The following RTN3 variants were observed in gnomAD, a reference collection of about 807,000 sequenced individuals.
RTN3 encodes reticulon-3.
Under a neutral mutation model 77.8 loss-of-function variants are expected in RTN3, and 49 were observed. That is an observed-to-expected ratio of 0.63 (90% CI 0.50 to 0.80). The LOEUF is 0.80. Among genes scored for constraint, RTN3 ranks in the 30% least tolerant of loss-of-function variants. The pLI, the probability that RTN3 is intolerant of heterozygous loss-of-function variation, is 0.00. For synonymous variants in RTN3, 464 were observed against 446.9 expected, an observed-to-expected ratio of 1.04 and a Z score of -0.48; for missense variants, 1,236 against 1,211.9, an observed-to-expected ratio of 1.02 and a Z score of -0.29.
chr11:63,752,772 A>AT, intron 5 of RTN3, 127 bp downstream of exon 5: 1 of 986,184 alleles, frequency 1.0e-6, no homozygotes, highest in Non-Finnish European at 1.5e-6. Flanking sequence ...CAGTCATTCT[A>AT]TAATGGGATA....
At chr11:63,689,208 G>A (rs1416718023) in intron 1 of RTN3, among the ~76,000 whole-genome samples, 1 of 152,134 alleles carries the variant, frequency 6.6e-6, no homozygotes, top group Non-Finnish European at 1.5e-5. Flanking sequence ...TATATGTGCT[G>A]CTGAAGTAAG....
intron 1 of RTN3, among the ~76,000 whole-genome samples, chr11:63,697,575 AAGC>A (rs904254261): frequency 1.3e-5 from 2 of 152,020 alleles, no homozygotes; most frequent in Admixed American, 1.3e-4. Flanking sequence ...TCCTGGGTTC[AAGC>A]AGTTCTCCTA....
In RTN3 at chr11:63,750,065, T is replaced by C. The variant is rs139166869; in HGVS notation, c.2605T>C (p.Ser869Pro). Residue 869 changes from serine (S) to proline (P), a missense_variant, in exon 4 of 9, where the codon TCC (serine) becomes CCC (proline). By Grantham distance (74) the Ser-to-Pro change is moderately conservative (BLOSUM62 -1). Transcript: ENST00000377819. ...VFGTTLIMLL[S>P]LAAFSVISVV... ...TGGCACCACGCTGATCATGCTGCTT[T>C]CCCTGGCAGCTTTCAGTGTCATCAG... 1.9e-6 allele frequency: 3 copies of C among 1,613,638 alleles called. No individual in the cohort carries two copies. The highest frequency in any genetic ancestry group is 1.7e-5 in the Admixed American group (1 of 59,970).
intron 3 of RTN3, among the ~76,000 whole-genome samples, chr11:63,747,574 C>T (rs571926348): frequency 3.9e-5 from 6 of 152,144 alleles, no homozygotes; most frequent in Non-Finnish European, 7.3e-5. Flanking sequence ...ATACAATCAG[C>T]ATATTTTTAG....
intron 2 of RTN3, chr11:63,714,622 C>T (rs1162829508): frequency 1.3e-5 from 2 of 151,964 alleles, no homozygotes; most frequent in Non-Finnish European, 2.9e-5. Context: ...AAGCAATCCT[C>T]CCACTCCAGC....
chr11:63,749,981 CT>C lies in RTN3; in HGVS notation c.2531-6del, dbSNP rs764108576. ...TTTCTTATAACTTATATTCCCTTTT[CT>C]TTTGTCAGTGCACGATCTGATTTTC... On this transcript the variant is annotated splice_polypyrimidine_tract_variant and intron_variant, in intron 3 of 8. Coordinates refer to ENST00000377819, the MANE Select transcript of RTN3 (RefSeq NM_001265589.2). 40 of 1,606,892 alleles carry C rather than the reference CT, an allele frequency of 2.5e-5. No homozygotes were observed. The highest frequency in any genetic ancestry group is 3.3e-5 in the Non-Finnish European group (39 of 1,173,908).
At chr11:63,714,447 AATAT>A (rs904673889) in intron 2 of RTN3, 7 of 151,352 alleles carry the variant, frequency 4.6e-5, no homozygotes, top group Non-Finnish European at 1.0e-4. Context: ...GTTTTTTTTT[AATAT>A]ATCTCGTAGC....
At chr11:63,741,721 G>A (rs2013492895) in intron 3 of RTN3, among the ~76,000 whole-genome samples, 1 of 150,566 alleles carries the variant, frequency 6.6e-6, no homozygotes, top group African/African-American at 2.4e-5. Flanking sequence ...GGCTGGTCTC[G>A]AATTTGTGAC....
intron 2 of RTN3, among the ~76,000 whole-genome samples, chr11:63,715,827 C>T (rs747279232): frequency 2.6e-5 from 4 of 152,124 alleles, no homozygotes; most frequent in Non-Finnish European, 5.9e-5. Context: ...CTAGTAAGTT[C>T]AGTAACAATG....
chr11:63,697,130 C>T (rs1332067862), intron 1 of RTN3, among the ~76,000 whole-genome samples: 11 of 151,682 alleles, frequency 7.3e-5, no homozygotes, highest in Non-Finnish European at 1.3e-4. Flanking sequence ...GTGATCTGTC[C>T]GCCTCGGCCT....
At chr11:63,691,036 C>T (rs185171294) in intron 1 of RTN3, among the ~76,000 whole-genome samples, 1 of 152,156 alleles carries the variant, frequency 6.6e-6, no homozygotes, top group Admixed American at 6.5e-5. Flanking sequence ...TCTTCCCTCC[C>T]CTCAATTCTC....
chr11:63,710,582 C>G (rs1387063302), intron 2 of RTN3, among the ~76,000 whole-genome samples: 3 of 152,136 alleles, frequency 2.0e-5, no homozygotes, highest in Admixed American at 6.6e-5. Context: ...CCTTGGTACT[C>G]TTAAGTTGTG....
At chr11:63,748,452 A>T (rs920622065) in intron 3 of RTN3, among the ~76,000 whole-genome samples, 8 of 149,596 alleles carry the variant, frequency 5.3e-5, no homozygotes, top group Non-Finnish European at 1.2e-4. Context: ...GGTTCAAGTG[A>T]TTTCTCGTGC....
intron 3 of RTN3, among the ~76,000 whole-genome samples, chr11:63,721,574 C>CAAAA (rs768609092): frequency 3.1e-4 from 17 of 55,524 alleles, no homozygotes; most frequent in African/African-American, 1.1e-3. Context: ...GACTCTGTCT[C>CAAAA]AAAAAAAAAA....
chr11:63,697,012 G>C (rs565801142), intron 1 of RTN3, among the ~76,000 whole-genome samples: 3 of 149,552 alleles, frequency 2.0e-5, no homozygotes, highest in Non-Finnish European at 3.0e-5. Context: ...AGCCTCCTGA[G>C]TAGCTGGGAC....
chr11:63,718,935 G>A lies in RTN3; in HGVS notation c.433G>A (p.Val145Ile). The change falls in exon 3 of 9, where the codon GTT becomes ATT. Residue 145 changes from valine (V) to isoleucine (I), a missense_variant. Around this residue, in one of 3 missense-constraint regions of RTN3, gnomAD observed 1,056 missense variants for 990.4 expected, o/e 1.07. Transcript: ENST00000377819. ...CAGCAACAACGTATCAGACTCTTCA[G>A]TTTCTCTTGCAGCAGGAGTTCATTG... Reference protein sequence around the residue: ...GTSNNVSDSSVSLAAGVHCDR... With the variant: ...GTSNNVSDSSISLAAGVHCDR... 3 of 1,614,218 alleles carry A rather than the reference G, an allele frequency of 1.9e-6. No homozygotes were observed. The highest frequency in any genetic ancestry group is 2.5e-6 in the Non-Finnish European group (3 of 1,180,044).
At position 63,720,629 on chromosome 11, in the gene RTN3, A is replaced by G. The variant is rs572740055; in HGVS notation, c.2127A>G (p.Lys709=). ...GGSEIKDIGS[K]YSEQSKETNG... ...CTGAAATTAAAGACATTGGAAGCAA[A>G]TACAGTGAACAAAGCAAAGAAACAA... is the stretch of plus-strand genomic sequence containing the variant. The change falls in exon 3 of 9, where the codon AAA becomes AAG. Residue 709 remains lysine, a synonymous_variant. Transcript: ENST00000377819. 1 of 1,614,094 alleles carries G rather than the reference A, an allele frequency of 6.2e-7. No individual in the cohort carries two copies. The highest frequency in any genetic ancestry group is 1.3e-5 in the African/African-American group (1 of 75,052).
intron 1 of RTN3, among the ~76,000 whole-genome samples, chr11:63,682,850 A>C (rs1342366556): frequency 6.6e-6 from 1 of 152,104 alleles, no homozygotes; most frequent in Non-Finnish European, 1.5e-5. Context: ...GGGAAAAAAA[A>C]ACCACCATGG....
chr11:63,753,131 A>G lies in RTN3; in HGVS notation c.2940A>G (p.Leu980=). ...VGAVFNGITL[L]ILAELLIFSV... Reference sequence around the variant, plus strand: ...CTGTTTTTAACGGAATCACCCTTCTAATTCTTGGTAAGGTGGCAAGGAGAA... The same window carrying G: ...CTGTTTTTAACGGAATCACCCTTCTGATTCTTGGTAAGGTGGCAAGGAGAA... The change falls in exon 6 of 9, where the codon CTA becomes CTG. Residue 980 remains leucine, a synonymous_variant. Coordinates refer to ENST00000377819, the MANE Select transcript of RTN3 (RefSeq NM_001265589.2). 1 of 1,613,972 alleles carries G rather than the reference A, an allele frequency of 6.2e-7. No homozygotes were observed. Among genetic ancestry groups the G allele is most frequent in the Non-Finnish European group, 8.5e-7 (1 of 1,179,872 alleles).
Sources: allele counts gnomAD v4.1 joint callset (sites outside exome capture counted in the v4.1 genomes callset), GRCh38; gene constraint gnomAD v4.1.1; regional missense constraint gnomAD v4.1.1; transcripts MANE v1.5; gene names NCBI Gene and HGNC (gene_info 2026-07-23, HGNC 2026-07-21).